The following SPCS2 variants were observed in gnomAD, a reference collection of about 807,000 sequenced individuals.
SPCS2 encodes SPase 25 kDa subunit.
A neutral mutation model predicts 22.3 loss-of-function variants in SPCS2; 3 were observed. The observed-to-expected ratio is 0.13, with a 90% CI of 0.06 to 0.35. The LOEUF (loss-of-function observed/expected upper bound fraction) is 0.35. Among genes scored for constraint, SPCS2 ranks in the 10% least tolerant of loss-of-function variants. The pLI is 1.00. For synonymous variants in SPCS2, 67 were observed against 97.2 expected (o/e 0.69, Z 1.83); for missense variants, 169 against 280.9 (o/e 0.60, Z 2.85).
At position 74,977,802 on chromosome 11, in the gene SPCS2, G is replaced by GT. The variant is rs1319057641; in HGVS notation, c.*766dup. The GT allele has an allele frequency of 6.6e-6, 1 of 152,454 alleles. No homozygotes were observed. The highest frequency in any genetic ancestry group is 6.6e-5 in the Admixed American group (1 of 15,248). The allele number at this position is 152,454 out of a possible 1,614,324, so 9.4% of individuals were successfully genotyped here. On this transcript the variant is annotated 3_prime_UTR_variant, in exon 5 of 5. Transcript: ENST00000263672. ...AAGTGTTAACATCTTTCTACTATAGGTTTTTTTCATTTTTAGGCTATTTTA... is the reference window on the plus strand; with the variant it reads ...AAGTGTTAACATCTTTCTACTATAGGTTTTTTTTCATTTTTAGGCTATTTTA...
intron 1 of SPCS2, among the ~76,000 whole-genome samples, chr11:74,953,909 C>G (rs1304573612): frequency 6.6e-6 from 1 of 152,194 alleles, no homozygotes; most frequent in Non-Finnish European, 1.5e-5. Flanking sequence ...CCCTTTTAGC[C>G]TTATACCTGG....
At chr11:74,972,249 A>C (rs1031478007) in intron 4 of SPCS2, among the ~76,000 whole-genome samples, 1 of 152,080 alleles carries the variant, frequency 6.6e-6, no homozygotes, top group African/African-American at 2.4e-5. Context: ...TTTTTTGTAG[A>C]GATGGGGTTT....
Position 74,976,995 on chromosome 11 carries a change from A to G in SPCS2, c.633A>G (p.Glu211=), listed in dbSNP as rs200719046. 5,997 of 1,590,824 alleles carry G rather than the reference A, an allele frequency of 3.8e-3. 175 individuals are homozygous for G. The African/African-American group carries it at 0.072, about 19-fold the overall frequency. The change falls in exon 5 of 5, where the codon GAA becomes GAG. Residue 211 remains glutamate, a synonymous_variant. Transcript: ENST00000263672. ...TGGTCATGGATGCATATGAGCCTGAAATATCCAGGCTCCATGACAGTCTTG... is the reference window on the plus strand; with the variant it reads ...TGGTCATGGATGCATATGAGCCTGAGATATCCAGGCTCCATGACAGTCTTG... The part of the protein sequence containing the change: ...GTLVMDAYEP[E]ISRLHDSLAI...
intron 1 of SPCS2, among the ~76,000 whole-genome samples, chr11:74,961,529 G>GTTGTTTGT (rs538927920): frequency 6.8e-6 from 1 of 147,424 alleles, no homozygotes; most frequent in Non-Finnish European, 1.5e-5. Context: ...TGTTGTTGTT[G>GTTGTTTGT]TTGTTTGTTT....
At chr11:74,955,197 A>T (rs1453457966) in intron 1 of SPCS2, among the ~76,000 whole-genome samples, 1 of 152,234 alleles carries the variant, frequency 6.6e-6, no homozygotes, top group African/African-American at 2.4e-5. Flanking sequence ...CGTAAAGTTA[A>T]CCATATGACC....
rs1242773950 is a variant in SPCS2, at chr11:74,954,763, A to G, written c.114+5364A>G. Among the ~76,000 whole-genome samples the G allele has an allele frequency of 2.0e-5, 3 of 152,214 alleles. No homozygotes were observed. The East Asian group carries it at 5.8e-4, about 29-fold the overall frequency. On this transcript the variant is annotated intron_variant, in intron 1 of 4. Transcript: ENST00000263672. ...AAGTATGTGTGTGTCAAAGGCCACTATCAAGAAAGTGAAAAAAGACAATCT... is the reference window on the plus strand; with the variant it reads ...AAGTATGTGTGTGTCAAAGGCCACTGTCAAGAAAGTGAAAAAAGACAATCT...
chr11:74,972,824 CTCATT>C (rs1291985789), intron 4 of SPCS2, among the ~76,000 whole-genome samples: 5 of 150,474 alleles, frequency 3.3e-5, no homozygotes, highest in African/African-American at 1.2e-4. Flanking sequence ...TAAAATCTAT[CTCATT>C]TCATTTATAG....
At chr11:74,961,780 A>G (rs1948516002) in intron 1 of SPCS2, among the ~76,000 whole-genome samples, 2 of 152,138 alleles carry the variant, frequency 1.3e-5, no homozygotes, top group South Asian at 2.1e-4. Flanking sequence ...CATCTGCCTC[A>G]GCCTCCCAAA....
At chr11:74,960,376 A>C (rs1948505289) in intron 1 of SPCS2, among the ~76,000 whole-genome samples, 1 of 152,052 alleles carries the variant, frequency 6.6e-6, no homozygotes, top group Non-Finnish European at 1.5e-5. Context: ...GTAGGGGAGT[A>C]ATTTCTTTAA....
At chr11:74,972,814 T>G (rs911295211) in intron 4 of SPCS2, among the ~76,000 whole-genome samples, 1 of 151,364 alleles carries the variant, frequency 6.6e-6, no homozygotes, top group African/African-American at 2.4e-5. Context: ...TAAGACAATA[T>G]AAAATCTATC....
At position 74,978,436 on chromosome 11, in the gene SPCS2, GT is replaced by G. The variant is rs1948628069; in HGVS notation, c.*1398del. On this transcript the variant is annotated 3_prime_UTR_variant, in exon 5 of 5. Transcript: ENST00000263672. ...CGGAATTCTCTGTGAGCTTCTTAAA[GT>G]TTTTGAAAGCATGTAACCGGATAAG... 1 of 152,200 alleles carries G rather than the reference GT, an allele frequency of 6.6e-6. No homozygotes were observed. Among genetic ancestry groups the G allele is most frequent in the Non-Finnish European group, 1.5e-5 (1 of 68,042 alleles). The allele number at this position is 152,200 out of a possible 1,614,324, so 9.4% of individuals were successfully genotyped here.
intron 4 of SPCS2, 60 bp downstream of exon 4, chr11:74,969,759 A>G: frequency 6.3e-7 from 1 of 1,594,508 alleles, no homozygotes; most frequent in Non-Finnish European, 8.6e-7. Context: ...GCATGTTGTC[A>G]TTATCAACAG....
intron 1 of SPCS2, among the ~76,000 whole-genome samples, chr11:74,957,485 G>A (rs940639126): frequency 4.6e-5 from 7 of 152,134 alleles, no homozygotes; most frequent in African/African-American, 1.7e-4. Context: ...TCTAGAATAA[G>A]GACTCATCGC....
intron 3 of SPCS2, among the ~76,000 whole-genome samples, chr11:74,967,612 G>A (rs957937003): frequency 3.3e-5 from 5 of 152,128 alleles, no homozygotes; most frequent in African/African-American, 1.2e-4. Flanking sequence ...AGCTGGGCAT[G>A]GTGGCGCATG....
At chr11:74,950,151 T>A (rs1948368086) in intron 1 of SPCS2, among the ~76,000 whole-genome samples, 1 of 152,240 alleles carries the variant, frequency 6.6e-6, no homozygotes, top group South Asian at 2.1e-4. Flanking sequence ...TCTTGCTCTT[T>A]GCACAGCATC....
chr11:74,968,054 G>A (rs1223091214), intron 3 of SPCS2: 2 of 152,160 alleles, frequency 1.3e-5, no homozygotes, highest in African/African-American at 4.8e-5. Context: ...CTTGGGGAAG[G>A]AAGTTATTTG....
rs1036862678 is a variant in SPCS2 at position 74,965,843 on chromosome 11, C to T, written c.279C>T (p.Phe93=). 8.1e-6 allele frequency: 13 copies of T among 1,613,194 alleles called. No individual in the cohort carries two copies. In the African/African-American group the frequency reaches 1.7e-4, roughly 22 times the overall value. ...TCACCATCTGTACAATCTCCTGTTTCTTTGCCATAGTGGCTTTGATTTGGG... is the reference window on the plus strand; with the variant it reads ...TCACCATCTGTACAATCTCCTGTTTTTTTGCCATAGTGGCTTTGATTTGGG... ...GRLTICTISC[F]FAIVALIWDY... is the part of the protein sequence containing the mutation. The change falls in exon 3 of 5, where the codon TTC becomes TTT. Residue 93 remains phenylalanine, a synonymous_variant. Transcript: ENST00000263672.
chr11:74,953,460 G>C (rs192855526), intron 1 of SPCS2, among the ~76,000 whole-genome samples: 3 of 151,964 alleles, frequency 2.0e-5, no homozygotes, highest in Non-Finnish European at 4.4e-5. Flanking sequence ...CCCAAAGTGC[G>C]GGGTTTACAA....
At chr11:74,971,997 T>A (rs1948587460) in intron 4 of SPCS2, among the ~76,000 whole-genome samples, 1 of 152,196 alleles carries the variant, frequency 6.6e-6, no homozygotes, top group Non-Finnish European at 1.5e-5. Flanking sequence ...TCACTCCTAC[T>A]TCCAAGAAGC....
Sources: allele counts gnomAD v4.1 joint callset (sites outside exome capture counted in the v4.1 genomes callset), GRCh38; gene constraint gnomAD v4.1.1; transcripts MANE v1.5; gene names NCBI Gene and HGNC (gene_info 2026-07-23, HGNC 2026-07-21).